Variants in MCOLN2 observed in about 807,000 individuals in gnomAD.
MCOLN2 encodes mucolipin-2.
MCOLN2 carries 57 observed loss-of-function variants against 67.5 expected under a neutral mutation model. That is an observed-to-expected ratio of 0.84 (90% CI 0.68 to 1.05). The LOEUF (loss-of-function observed/expected upper bound fraction) is 1.05, where lower values mean the gene tolerates loss of function less well. MCOLN2 is among the 50% of genes least tolerant of loss of function. The probability of loss-of-function intolerance (pLI) is 0.00; values close to 1 mark genes in which losing one functional copy is unlikely to be tolerated. For missense variants in MCOLN2, 620 were observed against 678.8 expected (o/e 0.91, Z 0.96); for synonymous variants, 246 against 233.3 (o/e 1.05, Z -0.50).
chr1:84,943,306 G>T (rs1647898969), intron 7 of MCOLN2, among the ~76,000 whole-genome samples: 1 of 152,156 alleles, frequency 6.6e-6, no homozygotes, highest in African/African-American at 2.4e-5. Flanking sequence ...TGGGCAAACT[G>T]AGTTTACTCT....
chr1:84,967,130 G>T (rs1649418799), intron 1 of MCOLN2, among the ~76,000 whole-genome samples: 1 of 152,202 alleles, frequency 6.6e-6, no homozygotes. Context: ...TAGACTGTGA[G>T]TCCGGAGTTC....
Position 84,958,711 on chromosome 1 carries a change from T to A in MCOLN2, c.238-9A>T. 6.4e-7 allele frequency: 1 copy of A among 1,557,734 alleles called. No homozygotes were observed. Among genetic ancestry groups the A allele is most frequent in the Non-Finnish European group, 8.6e-7 (1 of 1,157,610 alleles). ...AAACCAAAACGAACAAGCTAAAAAA[T>A]AAAATAAAATAGAAACACATGAATT... is the stretch of plus-strand genomic sequence containing the variant. On this transcript the variant is annotated splice_polypyrimidine_tract_variant and intron_variant, in intron 2 of 13. Coordinates refer to ENST00000370608, the MANE Select transcript of MCOLN2 (RefSeq NM_153259.4).
At chr1:84,934,391 G>T (rs894582841) in intron 11 of MCOLN2, among the ~76,000 whole-genome samples, 2 of 152,144 alleles carry the variant, frequency 1.3e-5, no homozygotes, top group Admixed American at 1.3e-4. Context: ...TGATAAGTTT[G>T]CAGTTGGGCC....
At chr1:84,984,547 T>C (rs1174385499) in intron 1 of MCOLN2, among the ~76,000 whole-genome samples, 1 of 152,238 alleles carries the variant, frequency 6.6e-6, no homozygotes, top group East Asian at 1.9e-4. Flanking sequence ...TCTCATTTTG[T>C]GGAGAATATT....
At chr1:84,987,581 G>GAA (rs1650658778) in intron 1 of MCOLN2, among the ~76,000 whole-genome samples, 1 of 47,298 alleles carries the variant, frequency 2.1e-5, no homozygotes, top group African/African-American at 7.6e-5. Flanking sequence ...TGTATACATA[G>GAA]ATATATACAT....
At chr1:84,972,585 C>T (rs1339087881) in intron 1 of MCOLN2, among the ~76,000 whole-genome samples, 1 of 152,200 alleles carries the variant, frequency 6.6e-6, no homozygotes, top group Non-Finnish European at 1.5e-5. Context: ...AACAAAGCTA[C>T]TGTCAGGTAT....
chr1:84,957,822 G>A (rs553229772), intron 3 of MCOLN2, among the ~76,000 whole-genome samples: 22 of 152,116 alleles, frequency 1.4e-4, no homozygotes, highest in African/African-American at 4.3e-4. Flanking sequence ...AAAGGAAGGC[G>A]CTTTGTCTGT....
At chr1:84,972,609 T>C (rs1649753891) in intron 1 of MCOLN2, among the ~76,000 whole-genome samples, 2 of 152,230 alleles carry the variant, frequency 1.3e-5, no homozygotes, top group African/African-American at 4.8e-5. Flanking sequence ...GAAAACCTAC[T>C]GTCTCCACAG....
At position 84,965,642 on chromosome 1, in the gene MCOLN2, G is replaced by A; in HGVS notation, c.144C>T (p.Tyr48=). 1.2e-6 allele frequency: 2 copies of A among 1,614,012 alleles called. 1 individual carries two copies. Among genetic ancestry groups the A allele is most frequent in the South Asian group, 2.2e-5 (2 of 91,084 alleles). ...GGTATTTTTCACAAGGGCTCATGAA[G>A]TAAAACTTCAGGTCTTCCCTTAGAC... The part of the protein sequence containing the change: ...EECLREDLKF[Y]FMSPCEKYRA... Residue 48 remains tyrosine, a synonymous_variant, in exon 2 of 14, where the codon TAC becomes TAT. Coordinates refer to ENST00000370608, the MANE Select transcript of MCOLN2 (RefSeq NM_153259.4).
chr1:84,972,437 G>A (rs1392540213), intron 1 of MCOLN2, among the ~76,000 whole-genome samples: 2 of 152,062 alleles, frequency 1.3e-5, no homozygotes, highest in African/African-American at 4.8e-5. Context: ...AGTATTTGAA[G>A]GCATAAAAAT....
At chr1:84,970,312 A>T (rs1649606999) in intron 1 of MCOLN2, among the ~76,000 whole-genome samples, 1 of 149,742 alleles carries the variant, frequency 6.7e-6, no homozygotes. Flanking sequence ...GAAACACTGA[A>T]CTGAAGGACG....
Position 84,929,567 on chromosome 1 carries a change from C to T in MCOLN2, c.1655G>A (p.Cys552Tyr), listed in dbSNP as rs200287414. ...ESSAFLSCIC[C>Y]RRRKRSDDHL... The stretch of plus-strand genomic sequence containing the variant: ...TAAACATGATACTGACCTCCTCCGA[C>T]AGCAGATGCAGGACAGGAAGGCTGA... Residue 552 changes from cysteine (C) to tyrosine (Y), a missense_variant, in exon 13 of 14, where the codon TGT becomes TAT. By Grantham distance (194) the Cys-to-Tyr change is radical. Transcript: ENST00000370608. 6.2e-7 allele frequency: 1 copy of T among 1,612,998 alleles called. No individual in the cohort carries two copies. Among genetic ancestry groups the T allele is most frequent in the African/African-American group, 1.3e-5 (1 of 74,902 alleles).
chr1:84,979,389 A>AATATCTC (rs1189250932), intron 1 of MCOLN2, among the ~76,000 whole-genome samples: 1 of 152,208 alleles, frequency 6.6e-6, no homozygotes, highest in Non-Finnish European at 1.5e-5. Flanking sequence ...ATTACAGGCC[A>AATATCTC]ATATCTCTAA....
chr1:84,984,070 T>C lies in MCOLN2; in HGVS notation c.77+12726A>G, dbSNP rs537534344. 2.6e-5 allele frequency among the ~76,000 whole-genome samples: 4 copies of C among 152,380 alleles called. No homozygotes were observed. The South Asian group carries it at 8.3e-4, about 32-fold the overall frequency. ...CCTTGGAAAATATGGATTTAGCTCT[T>C]ATATCTGCTCCCCAACATACATTTC... On this transcript the variant is annotated intron_variant, in intron 1 of 13. Coordinates refer to ENST00000370608, the MANE Select transcript of MCOLN2 (RefSeq NM_153259.4).
In MCOLN2 at chr1:84,947,133, C is replaced by T. The variant is rs1027520284; in HGVS notation, c.748-1G>A. On this transcript the variant is annotated splice_acceptor_variant, in intron 6 of 13. Transcript: ENST00000370608. LOFTEE classifies it high-confidence loss of function. ...TGTGAGCTTTATTGTCAAAGATAAT[C>T]TGGAGACACAAATGTATAGCGAGAT... 3.4e-6 allele frequency: 5 copies of T among 1,467,812 alleles called. No individual in the cohort carries two copies. In the Admixed American group the frequency reaches 6.7e-5, roughly 20 times the overall value. 90.9% of individuals were successfully genotyped at this position (1,467,812 alleles called of 1,614,324 possible). A position where few individuals can be genotyped will look rare whatever the true frequency, so the allele number is the denominator to read the frequency against.
intron 1 of MCOLN2, among the ~76,000 whole-genome samples, chr1:84,972,393 C>T (rs1287647846): frequency 6.6e-6 from 1 of 151,956 alleles, no homozygotes; most frequent in African/African-American, 2.4e-5. Context: ...ATAATGGCAG[C>T]ACTAAAGAAC....
chr1:84,987,521 T>TATGTATACATAG (rs1557665723), intron 1 of MCOLN2, among the ~76,000 whole-genome samples: 6 of 58,718 alleles, frequency 1.0e-4, no homozygotes, highest in African/African-American at 2.2e-4. Flanking sequence ...CATATGTATA[T>TATGTATACATAG]ATGTATACAT....
intron 3 of MCOLN2, among the ~76,000 whole-genome samples, chr1:84,957,528 A>C (rs1648858775): frequency 6.6e-6 from 1 of 152,204 alleles, no homozygotes; most frequent in South Asian, 2.1e-4. Flanking sequence ...AGATTCTTTG[A>C]AACTGCCTTC....
chr1:84,972,689 T>C (rs928421889), intron 1 of MCOLN2, among the ~76,000 whole-genome samples: 9 of 152,200 alleles, frequency 5.9e-5, no homozygotes, highest in Admixed American at 4.6e-4. Context: ...CTGTGTGACA[T>C]TGGCTAAGTT....
Sources: gnomAD v4.1 joint callset for allele counts (sites outside exome capture counted in the v4.1 genomes callset) on GRCh38, gnomAD v4.1.1 for gene constraint, MANE v1.5 for transcripts, NCBI Gene and HGNC (gene_info 2026-07-23, HGNC 2026-07-21) for gene names.